Variants in DPYD observed in about 807,000 individuals in gnomAD.
DPYD encodes the protein dihydropyrimidine dehydrogenase.
DPYD carries 109 observed loss-of-function variants against 116.2 expected under a neutral mutation model. The observed-to-expected ratio is 0.94, with a 90% CI of 0.80 to 1.10. The LOEUF (loss-of-function observed/expected upper bound fraction) is 1.10. Ranked by LOEUF, DPYD falls within the 50% of genes least tolerant of loss-of-function variation. The pLI is 0.00. For synonymous variants in DPYD, 440 were observed against 432.0 expected (o/e 1.02, Z -0.23); for missense variants, 1,302 against 1,254.5 (o/e 1.04, Z -0.57).
intron 11 of DPYD, among the ~76,000 whole-genome samples, chr1:97,559,060 T>G (rs1651944985): frequency 6.6e-6 from 1 of 152,156 alleles, no homozygotes; most frequent in African/African-American, 2.4e-5. Context: ...TTAATCTGGT[T>G]TGGACCATAA....
In DPYD at chr1:97,643,708, A is replaced by C. The variant is rs185771023; in HGVS notation, c.850+35387T>G. Among the ~76,000 whole-genome samples, 308 of 152,340 alleles carry C rather than the reference A, an allele frequency of 2.0e-3. 1 individual carries two copies. The highest frequency in any genetic ancestry group is 3.3e-3 in the Non-Finnish European group (223 of 68,022). On this transcript the variant is annotated intron_variant, in intron 8 of 22. Transcript: ENST00000370192. Reference sequence around the variant, plus strand: ...CAAATGGCCATCAATGATAGACTGGATAAAGAAAATGTGGCACATATACAC... The same window carrying C: ...CAAATGGCCATCAATGATAGACTGGCTAAAGAAAATGTGGCACATATACAC...
At chr1:97,213,116 C>T (rs1660148649) in intron 19 of DPYD, among the ~76,000 whole-genome samples, 1 of 152,142 alleles carries the variant, frequency 6.6e-6, no homozygotes, top group African/African-American at 2.4e-5. Context: ...GCACCAATCT[C>T]ATTTATAAGG....
intron 16 of DPYD, among the ~76,000 whole-genome samples, chr1:97,311,544 T>A (rs1022632238): frequency 6.6e-6 from 1 of 151,742 alleles, no homozygotes; most frequent in Non-Finnish European, 1.5e-5. Context: ...CTGGGGAGAA[T>A]GTAAATCAGT....
At chr1:97,555,119 T>G (rs1163685075) in intron 11 of DPYD, among the ~76,000 whole-genome samples, 1 of 152,160 alleles carries the variant, frequency 6.6e-6, no homozygotes, top group Non-Finnish European at 1.5e-5. Flanking sequence ...TCAGCTCTTT[T>G]GCCTTTCTGT....
At chr1:97,110,549 C>T (rs1318827819) in intron 20 of DPYD, among the ~76,000 whole-genome samples, 11 of 152,140 alleles carry the variant, frequency 7.2e-5, no homozygotes, top group African/African-American at 2.4e-4. Context: ...ACTTTAGCGT[C>T]TGTCATCCTA....
At chr1:97,176,107 T>C (rs1317841714) in intron 20 of DPYD, among the ~76,000 whole-genome samples, 1 of 152,204 alleles carries the variant, frequency 6.6e-6, no homozygotes, top group Non-Finnish European at 1.5e-5. Flanking sequence ...TTGAAAATGT[T>C]TCAGCTTTCT....
intron 13 of DPYD, chr1:97,514,281 T>C: frequency 1.0e-6 from 1 of 965,402 alleles, no homozygotes; most frequent in African/African-American, 1.8e-5. Flanking sequence ...AAGACTGATG[T>C]CTCTGATTAA....
intron 16 of DPYD, among the ~76,000 whole-genome samples, chr1:97,325,566 T>C (rs1457952069): frequency 6.6e-6 from 1 of 151,950 alleles, no homozygotes; most frequent in East Asian, 1.9e-4. Flanking sequence ...TTTGGTAAAA[T>C]AAACAGACAT....
At chr1:97,525,663 A>C (rs2786770) in intron 12 of DPYD, among the ~76,000 whole-genome samples, 1 of 151,802 alleles carries the variant, frequency 6.6e-6, no homozygotes, top group Non-Finnish European at 1.5e-5. Context: ...TGATTCTAAC[A>C]TAGAGTGGCA....
chr1:97,786,674 GC>G (rs1667053972), intron 3 of DPYD, among the ~76,000 whole-genome samples: 3 of 152,198 alleles, frequency 2.0e-5, no homozygotes, highest in Non-Finnish European at 1.5e-5. Context: ...CTAAAGAGCA[GC>G]ACTATTTTTA....
chr1:97,334,516 G>T (rs559636305), intron 16 of DPYD, among the ~76,000 whole-genome samples: 120 of 152,282 alleles, frequency 7.9e-4, no homozygotes, highest in African/African-American at 2.7e-3. Context: ...CATGCATATT[G>T]CGTGGTCTGT....
At chr1:97,659,089 T>C (rs924317145) in intron 8 of DPYD, among the ~76,000 whole-genome samples, 4 of 152,246 alleles carry the variant, frequency 2.6e-5, no homozygotes, top group East Asian at 3.9e-4. Flanking sequence ...CCCAGGAATG[T>C]TGGACCTACC....
At chr1:97,123,816 A>T (rs1184519366) in intron 20 of DPYD, among the ~76,000 whole-genome samples, 2 of 152,094 alleles carry the variant, frequency 1.3e-5, no homozygotes, top group Admixed American at 1.3e-4. Flanking sequence ...TGAAATATCC[A>T]ATTTCCTCTA....
chr1:97,451,836 C>T (rs1226378058), intron 13 of DPYD, among the ~76,000 whole-genome samples: 1 of 152,026 alleles, frequency 6.6e-6, no homozygotes, highest in Non-Finnish European at 1.5e-5. Context: ...AGAGCCATAC[C>T]CTTTAAACCT....
chr1:97,588,120 T>C (rs945775791), intron 10 of DPYD, among the ~76,000 whole-genome samples: 2 of 152,158 alleles, frequency 1.3e-5, no homozygotes, highest in African/African-American at 4.8e-5. Flanking sequence ...CTAATTAAAA[T>C]AATAAAGTAG....
intron 8 of DPYD, among the ~76,000 whole-genome samples, chr1:97,602,174 C>A (rs948225458): frequency 3.3e-5 from 5 of 151,884 alleles, no homozygotes; most frequent in Admixed American, 3.3e-4. Flanking sequence ...CTGATACATG[C>A]TGAATTTCTC....
intron 17 of DPYD, among the ~76,000 whole-genome samples, chr1:97,305,972 C>T (rs939651967): frequency 9.2e-5 from 14 of 151,818 alleles, no homozygotes; most frequent in African/African-American, 3.4e-4. Context: ...TCTTGTGTTT[C>T]CAGATCAAAA....
chr1:97,169,591 G>A (rs899995417), intron 20 of DPYD, among the ~76,000 whole-genome samples: 1 of 131,072 alleles, frequency 7.6e-6, no homozygotes, highest in Non-Finnish European at 1.6e-5. Context: ...GTTGCCCAGG[G>A]TGGAGTGCAA....
intron 22 of DPYD, among the ~76,000 whole-genome samples, chr1:97,079,396 A>C (rs555388450): frequency 6.6e-6 from 1 of 152,236 alleles, no homozygotes; most frequent in African/African-American, 2.4e-5. Context: ...TTGTGTGAGG[A>C]AAATATGTCA....
Sources: gnomAD v4.1 joint callset for allele counts (sites outside exome capture counted in the v4.1 genomes callset) on GRCh38, gnomAD v4.1.1 for gene constraint, MANE v1.5 for transcripts, NCBI Gene and HGNC (gene_info 2026-07-23, HGNC 2026-07-21) for gene names.